Variants in RALY observed in about 807,000 individuals in gnomAD.
RALY encodes RALY heterogeneous nuclear ribonucleoprotein.
RALY carries 15 observed loss-of-function variants against 30.7 expected under a neutral mutation model. That is an observed-to-expected ratio of 0.49 (90% CI 0.33 to 0.75). The LOEUF (loss-of-function observed/expected upper bound fraction) is 0.75, where lower values mean the gene tolerates loss of function less well. RALY is among the 30% of genes least tolerant of loss of function. RALY has a pLI of 0.02. For synonymous variants in RALY, 177 were observed against 170.8 expected (o/e 1.04, Z -0.28); for missense variants, 339 against 414.3 (o/e 0.82, Z 1.58).
intron 2 of RALY, among the ~76,000 whole-genome samples, chr20:34,069,762 A>G (rs1023580270): frequency 6.6e-6 from 1 of 152,182 alleles, no homozygotes; most frequent in Non-Finnish European, 1.5e-5. Context: ...TGTGTCCCTC[A>G]CTGCCTGATA....
At chr20:33,999,393 A>G (rs566729991) in intron 1 of RALY, among the ~76,000 whole-genome samples, 1 of 152,206 alleles carries the variant, frequency 6.6e-6, no homozygotes, top group East Asian at 1.9e-4. Flanking sequence ...TCTGAAAGGG[A>G]GAGAGTGAGA....
chr20:34,012,231 C>T (rs1171462279), intron 1 of RALY, among the ~76,000 whole-genome samples: 1 of 152,158 alleles, frequency 6.6e-6, no homozygotes, highest in Non-Finnish European at 1.5e-5. Context: ...GCTAAGGCTT[C>T]TTGGTGCAGC....
At chr20:34,056,166 C>T (rs1277195447) in intron 2 of RALY, among the ~76,000 whole-genome samples, 1 of 152,172 alleles carries the variant, frequency 6.6e-6, no homozygotes, top group Non-Finnish European at 1.5e-5. Context: ...TTGTTACATC[C>T]TAGACTCTGG....
intron 2 of RALY, among the ~76,000 whole-genome samples, chr20:34,064,232 A>G (rs1162656876): frequency 6.6e-6 from 1 of 152,160 alleles, no homozygotes; most frequent in Admixed American, 6.5e-5. Flanking sequence ...CCTTCCTGGA[A>G]CTATGAAGGG....
chr20:34,021,887 T>A (rs544503079), intron 1 of RALY, among the ~76,000 whole-genome samples: 18 of 151,462 alleles, frequency 1.2e-4, no homozygotes, highest in African/African-American at 3.6e-4. Context: ...AAATTTTTTT[T>A]AATTTGTTCT....
rs533430196 is a variant in RALY at position 33,998,553 on chromosome 20, G to T, written c.-93+4422G>T. 2.6e-5 allele frequency among the ~76,000 whole-genome samples: 4 copies of T among 152,308 alleles called. No homozygotes were observed. In the East Asian group the frequency reaches 7.7e-4, roughly 29 times the overall value. On this transcript the variant is annotated intron_variant, in intron 1 of 9. Transcript: ENST00000246194. ...TCTTGGGTGGAGCATAATGCTTGAG[G>T]TGGGTGGATATGGCCAGACAGGAGA...
Position 34,074,919 on chromosome 20 carries a change from A to G in RALY, c.378-955A>G, listed in dbSNP as rs150313573. Among the ~76,000 whole-genome samples, 427 of 152,328 alleles carry G rather than the reference A, an allele frequency of 2.8e-3. 4 individuals are homozygous for G. Among genetic ancestry groups the G allele is most frequent in the East Asian group, 6.2e-3 (32 of 5,176 alleles). Reference sequence around the variant, plus strand: ...GCCCCAAGGAATGGGGCTTTTGCCCAGTGATGGCAGGTTTCCTGGCCGTTG... The same window carrying G: ...GCCCCAAGGAATGGGGCTTTTGCCCGGTGATGGCAGGTTTCCTGGCCGTTG... On this transcript the variant is annotated intron_variant, in intron 5 of 9. Transcript: ENST00000246194.
intron 1 of RALY, among the ~76,000 whole-genome samples, chr20:34,009,348 C>T (rs1455169071): frequency 7.2e-5 from 11 of 152,040 alleles, no homozygotes; most frequent in African/African-American, 2.7e-4. Flanking sequence ...AAGTAATTCT[C>T]CTGTCTCAGT....
chr20:33,999,175 A>G (rs2030792047), intron 1 of RALY, among the ~76,000 whole-genome samples: 1 of 151,932 alleles, frequency 6.6e-6, no homozygotes, highest in Admixed American at 6.6e-5. Flanking sequence ...GTGATGAGAC[A>G]AAGATTATTG....
chr20:34,021,294 C>A (rs13433379), intron 1 of RALY, among the ~76,000 whole-genome samples: 2,799 of 152,200 alleles, frequency 0.018, 81 homozygotes, highest in African/African-American at 0.065. Context: ...TTTTGTGCTG[C>A]TGTAACAGAA....
chr20:34,001,757 G>T (rs1428111568), intron 1 of RALY, among the ~76,000 whole-genome samples: 1 of 152,068 alleles, frequency 6.6e-6, no homozygotes. Flanking sequence ...ACTATACTGA[G>T]AAATCGAATG....
intron 1 of RALY, among the ~76,000 whole-genome samples, chr20:34,012,158 C>T (rs1434667521): frequency 6.6e-6 from 1 of 152,066 alleles, no homozygotes; most frequent in African/African-American, 2.4e-5. Context: ...TTTCCTGCCT[C>T]ACACACTCTT....
intron 1 of RALY, among the ~76,000 whole-genome samples, chr20:33,994,512 C>G (rs2030498160): frequency 6.6e-6 from 1 of 152,250 alleles, no homozygotes; most frequent in South Asian, 2.1e-4. Context: ...GGAGGCTGCT[C>G]CGGGGAGGCC....
intron 2 of RALY, among the ~76,000 whole-genome samples, chr20:34,061,258 G>T (rs2268088): frequency 0.74 from 112,679 of 152,014 alleles, 42,217 homozygotes; most frequent in South Asian, 0.85. Flanking sequence ...CCAAGATAAA[G>T]CACCATTAGA....
intron 2 of RALY, among the ~76,000 whole-genome samples, chr20:34,034,005 G>A (rs1396494234): frequency 6.6e-6 from 1 of 152,144 alleles, no homozygotes; most frequent in Non-Finnish European, 1.5e-5. Context: ...CAGAGTGCAG[G>A]TTTGAGTGCA....
intron 1 of RALY, among the ~76,000 whole-genome samples, chr20:34,028,091 G>T (rs2032111482): frequency 6.6e-6 from 1 of 152,128 alleles, no homozygotes; most frequent in Non-Finnish European, 1.5e-5. Flanking sequence ...CAGGAGACTA[G>T]CCTGGCCAAC....
At chr20:34,025,963 A>G (rs748189111) in intron 1 of RALY, among the ~76,000 whole-genome samples, 11 of 120,664 alleles carry the variant, frequency 9.1e-5, no homozygotes, top group Non-Finnish European at 1.3e-4. Flanking sequence ...CAAAGCTTTC[A>G]TGATGGGGAG....
chr20:34,078,496 C>G lies in RALY; in HGVS notation c.877-9C>G. 1 of 1,580,538 alleles carries G rather than the reference C, an allele frequency of 6.3e-7. No individual in the cohort carries two copies. Among genetic ancestry groups the G allele is most frequent in the Non-Finnish European group, 8.6e-7 (1 of 1,163,292 alleles). ...TGATGTGTGGTCTCTCTTACCTCCT[C>G]CCTATCAGGAACACAGCCAGGACAC... is the stretch of plus-strand genomic sequence containing the variant. On this transcript the variant is annotated splice_polypyrimidine_tract_variant and intron_variant, in intron 8 of 9. Transcript: ENST00000246194.
intron 1 of RALY, among the ~76,000 whole-genome samples, chr20:33,999,899 C>T (rs2030831989): frequency 6.6e-6 from 1 of 151,934 alleles, no homozygotes; most frequent in South Asian, 2.1e-4. Context: ...ACTAGATGAC[C>T]CATAAGGTCC....
Sources: gnomAD v4.1 joint callset for allele counts (sites outside exome capture counted in the v4.1 genomes callset) on GRCh38, gnomAD v4.1.1 for gene constraint, MANE v1.5 for transcripts, NCBI Gene and HGNC (gene_info 2026-07-23, HGNC 2026-07-21) for gene names.